Variants in SLC25A24 observed in about 807,000 individuals in gnomAD.
The protein encoded by SLC25A24 is mitochondrial adenyl nucleotide antiporter SLC25A24.
A neutral mutation model predicts 60.7 loss-of-function variants in SLC25A24; 49 were observed. The ratio of observed to expected loss-of-function variants is 0.81; its 90% CI spans 0.64 to 1.02. SLC25A24 has a LOEUF of 1.02. Among genes scored for constraint, SLC25A24 ranks in the 50% least tolerant of loss-of-function variants. SLC25A24 has a pLI of 0.00. For missense variants in SLC25A24, 564 were observed against 586.3 expected, an observed-to-expected ratio of 0.96 and a Z score of 0.39; for synonymous variants, 202 against 200.6, an observed-to-expected ratio of 1.01 and a Z score of -0.06.
chr1:108,175,842 G>C (rs948348258), intron 3 of SLC25A24, among the ~76,000 whole-genome samples: 3 of 152,140 alleles, frequency 2.0e-5, no homozygotes, highest in African/African-American at 7.2e-5. Flanking sequence ...AAATATTAAA[G>C]ATATTTAATT....
intron 2 of SLC25A24, among the ~76,000 whole-genome samples, chr1:108,182,548 A>T (rs1023030028): frequency 1.3e-5 from 2 of 152,190 alleles, no homozygotes; most frequent in East Asian, 1.9e-4. Flanking sequence ...TCTGGCAGTA[A>T]AAGGCCAGGC....
chr1:108,185,722 A>T, intron 2 of SLC25A24, 106 bp downstream of exon 2: 1 of 818,604 alleles, frequency 1.2e-6, no homozygotes, highest in Non-Finnish European at 1.9e-6. Flanking sequence ...CACAAATAAT[A>T]ATTATCATCT....
At position 108,190,628 on chromosome 1, in the gene SLC25A24, C is replaced by G. The variant is rs563862093; in HGVS notation, c.184-4674G>C. On this transcript the variant is annotated intron_variant, in intron 1 of 9. Transcript: ENST00000565488. ...AACAAAACAATATATTGTTCAAAAA[C>G]AGACTATTTTCACAATAAAAAGTTA... Among the ~76,000 whole-genome samples, 12 of 151,790 alleles carry G rather than the reference C, an allele frequency of 7.9e-5. No individual in the cohort carries two copies. In the South Asian group the frequency reaches 2.1e-3, roughly 26 times the overall value.
Position 108,186,283 on chromosome 1 carries a change from C to T in SLC25A24, c.184-329G>A, listed in dbSNP as rs116171425. 8.3e-3 allele frequency among the ~76,000 whole-genome samples: 1,271 copies of T among 152,258 alleles called. 18 individuals carry two copies. The highest frequency in any genetic ancestry group is 0.029 in the African/African-American group (1,222 of 41,532). On this transcript the variant is annotated intron_variant, in intron 1 of 9. Coordinates refer to ENST00000565488, the MANE Select transcript of SLC25A24 (RefSeq NM_013386.5). ...CCAAGATAGAAGACAACCACTTGACCTACCACAGGATTTAAAATATTGCAG... is the reference window on the plus strand; with the variant it reads ...CCAAGATAGAAGACAACCACTTGACTTACCACAGGATTTAAAATATTGCAG...
intron 3 of SLC25A24, among the ~76,000 whole-genome samples, chr1:108,180,596 T>A (rs918604020): frequency 2.1e-5 from 3 of 146,340 alleles, no homozygotes; most frequent in Non-Finnish European, 4.4e-5. Context: ...TATGGCCTTA[T>A]AATAGAAAGC....
At chr1:108,187,925 T>TAGATAGATAG (rs1648193033) in intron 1 of SLC25A24, among the ~76,000 whole-genome samples, 1 of 122,198 alleles carries the variant, frequency 8.2e-6, no homozygotes, top group East Asian at 2.3e-4. Context: ...TAAGACATTA[T>TAGATAGATAG]AGATATATAT....
In SLC25A24 at chr1:108,135,658, G is replaced by A. The variant is rs1168798148; in HGVS notation, c.*995C>T. The A allele has an allele frequency of 1.3e-5, 2 of 152,414 alleles. No individual in the cohort carries two copies. Among genetic ancestry groups the A allele is most frequent in the African/African-American group, 4.8e-5 (2 of 41,400 alleles). 9.4% of individuals were successfully genotyped at this position (152,414 alleles called of 1,614,324 possible). ...GAGTAATACATACTACTATTAATATGTATCTCTCACCTTTGTGCTGCCCAT... is the reference window on the plus strand; with the variant it reads ...GAGTAATACATACTACTATTAATATATATCTCTCACCTTTGTGCTGCCCAT... On this transcript the variant is annotated 3_prime_UTR_variant, in exon 10 of 10. Coordinates refer to ENST00000565488, the MANE Select transcript of SLC25A24 (RefSeq NM_013386.5).
intron 8 of SLC25A24, 30 bp from the exon 9 acceptor site, chr1:108,139,238 A>G: frequency 6.4e-7 from 1 of 1,570,518 alleles, no homozygotes; most frequent in Non-Finnish European, 8.6e-7. Context: ...GAAAATAATT[A>G]ACGAACTCTA....
chr1:108,169,635 T>C (rs551243822), intron 3 of SLC25A24, among the ~76,000 whole-genome samples: 6 of 152,322 alleles, frequency 3.9e-5, no homozygotes, highest in African/African-American at 1.4e-4. Context: ...AGTGTACTTC[T>C]ACACTCTGGA....
intron 3 of SLC25A24, among the ~76,000 whole-genome samples, chr1:108,161,806 T>A (rs551146192): frequency 6.6e-6 from 1 of 152,218 alleles, no homozygotes; most frequent in East Asian, 1.9e-4. Context: ...CTTTTTTTTT[T>A]ATTATTATAC....
intron 3 of SLC25A24, among the ~76,000 whole-genome samples, chr1:108,165,425 T>TTAATTATTAA (rs753104215): frequency 0.44 from 66,240 of 151,146 alleles, 14,568 homozygotes; most frequent in Middle Eastern, 0.58. Flanking sequence ...TGTGTGGGAG[T>TTAATTATTAA]TTAAGTCTCT....
chr1:108,155,494 T>TA (rs1415175913), intron 5 of SLC25A24, among the ~76,000 whole-genome samples: 1 of 151,608 alleles, frequency 6.6e-6, no homozygotes, highest in Non-Finnish European at 1.5e-5. Flanking sequence ...TAAAGGGAAA[T>TA]AAAAAAGTAT....
Position 108,154,966 on chromosome 1 carries a change from C to T in SLC25A24, c.822+17G>A, listed in dbSNP as rs368649872. 174 of 1,576,780 alleles carry T rather than the reference C, an allele frequency of 1.1e-4. No homozygotes were observed. Among genetic ancestry groups the T allele is most frequent in the Middle Eastern group, 8.4e-4 (5 of 5,940 alleles). ...AACTCCTCTTTGTTAATAAATTCCA[C>T]GGGTGATAACAATTACCTGTTCATA... On this transcript the variant is annotated intron_variant, in intron 6 of 9. Transcript: ENST00000565488.
intron 6 of SLC25A24, among the ~76,000 whole-genome samples, chr1:108,149,741 A>G (rs1295820354): frequency 6.6e-6 from 1 of 152,058 alleles, no homozygotes; most frequent in Non-Finnish European, 1.5e-5. Flanking sequence ...TCATGCATGG[A>G]GAAGGGAAGG....
chr1:108,140,771 T>C (rs570025760), intron 8 of SLC25A24, among the ~76,000 whole-genome samples: 4 of 135,884 alleles, frequency 2.9e-5, no homozygotes, highest in Non-Finnish European at 6.3e-5. Flanking sequence ...ATAGCATCTA[T>C]AGAATGCACA....
chr1:108,153,874 A>T (rs950638434), intron 6 of SLC25A24, among the ~76,000 whole-genome samples: 1 of 152,176 alleles, frequency 6.6e-6, no homozygotes, highest in Non-Finnish European at 1.5e-5. Flanking sequence ...GCATACTGAA[A>T]TAACTGCATT....
intron 1 of SLC25A24, among the ~76,000 whole-genome samples, chr1:108,186,901 AC>A (rs1348398353): frequency 3.3e-5 from 5 of 151,902 alleles, no homozygotes; most frequent in Admixed American, 6.6e-5. Flanking sequence ...AACATGGAGA[AC>A]CCCCATCTCT....
intron 1 of SLC25A24, among the ~76,000 whole-genome samples, chr1:108,190,122 C>T (rs1356908940): frequency 6.6e-6 from 1 of 152,106 alleles, no homozygotes. Context: ...CAGACACCCT[C>T]ACTTGTGTAT....
At chr1:108,188,595 C>T (rs766407623) in intron 1 of SLC25A24, among the ~76,000 whole-genome samples, 54 of 152,102 alleles carry the variant, frequency 3.6e-4, no homozygotes, top group Non-Finnish European at 6.8e-4. Context: ...GAATAGTCAC[C>T]GACCAAAAGG....
Sources: gnomAD v4.1 joint callset for allele counts (sites outside exome capture counted in the v4.1 genomes callset) on GRCh38, gnomAD v4.1.1 for gene constraint, MANE v1.5 for transcripts, NCBI Gene and HGNC (gene_info 2026-07-23, HGNC 2026-07-21) for gene names.